Variants in FBXL17 observed in about 807,000 individuals in gnomAD.
The protein encoded by FBXL17 is F-box and leucine rich repeat protein 17, also known as F-box/LRR-repeat protein 17.
A neutral mutation model predicts 66.2 loss-of-function variants in FBXL17; 22 were observed. That is an observed-to-expected ratio of 0.33 (90% CI 0.24 to 0.47). The LOEUF is 0.47. Ranked by LOEUF, FBXL17 falls within the 20% of genes least tolerant of loss-of-function variation. The pLI is 1.00. For missense variants in FBXL17, 878 were observed against 948.2 expected, an observed-to-expected ratio of 0.93 and a Z score of 0.97; for synonymous variants, 474 against 400.5, an observed-to-expected ratio of 1.18 and a Z score of -2.19.
chr5:107,973,699 C>T (rs1252898432), intron 7 of FBXL17, among the ~76,000 whole-genome samples: 1 of 152,024 alleles, frequency 6.6e-6, no homozygotes, highest in Admixed American at 6.6e-5. Flanking sequence ...AATCTCCAAA[C>T]TTAATCAGTA....
intron 6 of FBXL17, among the ~76,000 whole-genome samples, chr5:108,035,718 C>T (rs1746816200): frequency 6.6e-6 from 1 of 152,106 alleles, no homozygotes; most frequent in Non-Finnish European, 1.5e-5. Context: ...CACACAAATG[C>T]AGTACCACCA....
chr5:108,324,034 T>C (rs1366998754), intron 4 of FBXL17, among the ~76,000 whole-genome samples: 1 of 152,042 alleles, frequency 6.6e-6, no homozygotes, highest in Non-Finnish European at 1.5e-5. Context: ...TTGGCAATAT[T>C]TCTAAGTTTT....
At chr5:107,964,918 T>G (rs1184580160) in intron 7 of FBXL17, among the ~76,000 whole-genome samples, 1 of 152,156 alleles carries the variant, frequency 6.6e-6, no homozygotes, top group African/African-American at 2.4e-5. Flanking sequence ...GATCTTGCAG[T>G]GAAAAGTGTC....
In FBXL17 at chr5:108,025,729, A is replaced by ACG. The variant is rs1264194644; in HGVS notation, c.1746-4729_1746-4728insCG. Reference sequence around the variant, plus strand: ...AACACACACACACACGCGCGCGCGCACACACACACACACACACACACACAC... The same window carrying ACG: ...AACACACACACACACGCGCGCGCGCACGCACACACACACACACACACACACAC... On this transcript the variant is annotated intron_variant, in intron 6 of 8. Coordinates refer to ENST00000542267, the MANE Select transcript of FBXL17 (RefSeq NM_001163315.3). 7.1e-3 allele frequency among the ~76,000 whole-genome samples: 766 copies of ACG among 107,456 alleles called. 8 individuals carry two copies. Among genetic ancestry groups the ACG allele is most frequent in the African/African-American group, 0.035 (733 of 20,730 alleles). The allele number at this position is 107,456 out of a possible 152,430, so 70.5% of individuals were successfully genotyped here.
chr5:108,304,447 A>T (rs1758741131), intron 4 of FBXL17, among the ~76,000 whole-genome samples: 1 of 151,988 alleles, frequency 6.6e-6, no homozygotes, highest in South Asian at 2.1e-4. Context: ...AAATTCCTGA[A>T]TAAACTTGAA....
At chr5:107,935,219 G>T (rs1454835267) in intron 7 of FBXL17, among the ~76,000 whole-genome samples, 1 of 151,996 alleles carries the variant, frequency 6.6e-6, no homozygotes, top group Non-Finnish European at 1.5e-5. Flanking sequence ...AAGAATCAAG[G>T]ACTCCTAAGA....
intron 5 of FBXL17, among the ~76,000 whole-genome samples, chr5:108,218,513 T>C (rs892461881): frequency 2.6e-5 from 4 of 152,212 alleles, no homozygotes; most frequent in Non-Finnish European, 5.9e-5. Flanking sequence ...TACTGTGTTC[T>C]ACAATGGCTA....
At position 108,008,025 on chromosome 5, in the gene FBXL17, G is replaced by A. The variant is rs139043581; in HGVS notation, c.1822+12900C>T. Among the ~76,000 whole-genome samples the A allele has an allele frequency of 2.8e-4, 42 of 152,260 alleles. No homozygotes were observed. The East Asian group carries it at 7.9e-3, about 29-fold the overall frequency. On this transcript the variant is annotated intron_variant, in intron 7 of 8. Coordinates refer to ENST00000542267, the MANE Select transcript of FBXL17 (RefSeq NM_001163315.3). ...AAATATTGTGGAAATAAAAGAACGT[G>A]ACAGAAATGTGGGGGGAATATGCAT... is the stretch of plus-strand genomic sequence containing the variant.
At chr5:107,929,947 T>A in intron 7 of FBXL17, among the ~76,000 whole-genome samples, 1 of 152,156 alleles carries the variant, frequency 6.6e-6, no homozygotes, top group Non-Finnish European at 1.5e-5. Context: ...CCTAGCAACT[T>A]CAAGTAAATT....
intron 8 of FBXL17, chr5:107,879,170 G>A: frequency 1.0e-6 from 1 of 985,382 alleles, no homozygotes; most frequent in Non-Finnish European, 1.2e-6. Flanking sequence ...AGATGGAGCT[G>A]ATCTTAACCA....
chr5:108,283,624 A>G lies in FBXL17; in HGVS notation c.1507-59396T>C, dbSNP rs552683953. Among the ~76,000 whole-genome samples the G allele has an allele frequency of 2.7e-4, 41 of 152,128 alleles. No individual in the cohort carries two copies. The South Asian group carries it at 7.7e-3, about 28-fold the overall frequency. On this transcript the variant is annotated intron_variant, in intron 4 of 8. Coordinates refer to ENST00000542267, the MANE Select transcript of FBXL17 (RefSeq NM_001163315.3). ...AACTCTTCTGGACATTGATCTAGGC[A>G]AAGAGTTTAGATTAAGACCTCAAAA...
intron 4 of FBXL17, among the ~76,000 whole-genome samples, chr5:108,227,826 T>C (rs1472266284): frequency 6.6e-6 from 1 of 152,190 alleles, no homozygotes; most frequent in African/African-American, 2.4e-5. Context: ...AGGCATTATG[T>C]TAACAAAGAA....
chr5:108,139,865 T>C (rs1395630134), intron 6 of FBXL17, among the ~76,000 whole-genome samples: 3 of 152,162 alleles, frequency 2.0e-5, no homozygotes, highest in Non-Finnish European at 2.9e-5. Context: ...AGTGTGCAAT[T>C]TGCATGCCTT....
chr5:107,910,799 G>GA (rs1162079861), intron 7 of FBXL17, among the ~76,000 whole-genome samples: 1 of 151,728 alleles, frequency 6.6e-6, no homozygotes, highest in East Asian at 1.9e-4. Flanking sequence ...ACTGACATTA[G>GA]AAAAAACATC....
At chr5:108,146,725 G>C (rs1751575792) in intron 6 of FBXL17, among the ~76,000 whole-genome samples, 1 of 152,116 alleles carries the variant, frequency 6.6e-6, no homozygotes, top group African/African-American at 2.4e-5. Context: ...CACAGAGGAG[G>C]AGAGAAACAT....
chr5:108,205,937 A>G (rs1215598711), intron 5 of FBXL17, among the ~76,000 whole-genome samples: 6 of 152,192 alleles, frequency 3.9e-5, no homozygotes, highest in Non-Finnish European at 4.4e-5. Context: ...ATACTATATA[A>G]ATGATGCTGT....
At chr5:108,102,764 C>G (rs1024688273) in intron 6 of FBXL17, among the ~76,000 whole-genome samples, 3 of 152,154 alleles carry the variant, frequency 2.0e-5, no homozygotes, top group Admixed American at 2.0e-4. Context: ...AACACACACT[C>G]AGAAATAATG....
intron 6 of FBXL17, among the ~76,000 whole-genome samples, chr5:108,166,240 A>G (rs1162722439): frequency 6.6e-6 from 1 of 152,206 alleles, no homozygotes; most frequent in Non-Finnish European, 1.5e-5. Flanking sequence ...AATGGAATAA[A>G]CAGCATTAGC....
chr5:107,919,683 A>G (rs1580712307), intron 7 of FBXL17, among the ~76,000 whole-genome samples: 1 of 152,050 alleles, frequency 6.6e-6, no homozygotes, highest in East Asian at 1.9e-4. Context: ...CCAAATCTTC[A>G]TGGCTCATAC....
Sources: gnomAD v4.1 joint callset for allele counts (sites outside exome capture counted in the v4.1 genomes callset) on GRCh38, gnomAD v4.1.1 for gene constraint, MANE v1.5 for transcripts, NCBI Gene and HGNC (gene_info 2026-07-23, HGNC 2026-07-21) for gene names.